Variants in STON1 observed in about 807,000 individuals in gnomAD.
STON1 encodes the protein stonin-1.
In STON1, 79 loss-of-function variants were observed where a neutral mutation model predicts 60.9. The ratio of observed to expected loss-of-function variants is 1.30; its 90% CI spans 1.08 to 1.56. The LOEUF (loss-of-function observed/expected upper bound fraction) is 1.56. Ranked by LOEUF, STON1 falls within the 40% of genes most tolerant of loss-of-function variation. The pLI, the probability that STON1 is intolerant of heterozygous loss-of-function variation, is 0.00. For missense variants in STON1, 1,166 were observed against 858.9 expected, an observed-to-expected ratio of 1.36 and a Z score of -4.47; for synonymous variants, 363 against 306.9, an observed-to-expected ratio of 1.18 and a Z score of -1.91.
At position 48,580,738 on chromosome 2, in the gene STON1, T is replaced by C. The variant is rs976966006; in HGVS notation, c.105T>C (p.Cys35=). 3.3e-6 allele frequency: 5 copies of C among 1,538,396 alleles called. No homozygotes were observed. Among genetic ancestry groups the C allele is most frequent in the Non-Finnish European group, 4.4e-6 (5 of 1,143,340 alleles). ...KNFPLENQGV[C]RPNGLKLNLP... Reference sequence around the variant, plus strand: ...TTCCTCTGGAGAATCAAGGTGTCTGTAGACCAAATGGACTGAAGCTGAACC... The same window carrying C: ...TTCCTCTGGAGAATCAAGGTGTCTGCAGACCAAATGGACTGAAGCTGAACC... The change falls in exon 2 of 4, where the codon TGT becomes TGC. Residue 35 remains cysteine, a synonymous_variant. Coordinates refer to ENST00000404752, the MANE Select transcript of STON1 (RefSeq NM_006873.4).
intron 1 of STON1, among the ~76,000 whole-genome samples, chr2:48,541,477 A>G (rs1671648514): frequency 6.6e-6 from 1 of 150,634 alleles, no homozygotes; most frequent in African/African-American, 2.4e-5. Flanking sequence ...TGACATCAAG[A>G]GTTCAAAACC....
At chr2:48,564,507 C>A (rs1672808023) in intron 1 of STON1, among the ~76,000 whole-genome samples, 1 of 28,684 alleles carries the variant, frequency 3.5e-5, no homozygotes, top group African/African-American at 1.6e-4. Context: ...TCTTCTTCTT[C>A]TTCTTCTTCT....
At chr2:48,591,555 A>T in intron 2 of STON1, 98 bp from the exon 3 acceptor site, 4 of 1,494,892 alleles carry the variant, frequency 2.7e-6, no homozygotes, top group Non-Finnish European at 3.6e-6. Context: ...TGCTAATGAA[A>T]TTCCTTATTA....
At chr2:48,553,016 G>A (rs1672165808) in intron 1 of STON1, among the ~76,000 whole-genome samples, 3 of 152,088 alleles carry the variant, frequency 2.0e-5, no homozygotes, top group Admixed American at 2.0e-4. Context: ...TGCTCCATGT[G>A]GCTTCTCTAT....
intron 1 of STON1, among the ~76,000 whole-genome samples, chr2:48,566,143 T>C (rs1672931430): frequency 1.3e-5 from 2 of 152,198 alleles, no homozygotes; most frequent in Non-Finnish European, 2.9e-5. Context: ...TGAACCAAAC[T>C]CAATTTCCAT....
At chr2:48,593,602 G>A (rs1290316115) in intron 3 of STON1, among the ~76,000 whole-genome samples, 1 of 152,110 alleles carries the variant, frequency 6.6e-6, no homozygotes, top group East Asian at 1.9e-4. Context: ...GCCCTCAGGA[G>A]GTCCTGAGAA....
At chr2:48,534,409 C>T (rs888184184) in intron 1 of STON1, among the ~76,000 whole-genome samples, 9 of 152,126 alleles carry the variant, frequency 5.9e-5, no homozygotes, top group African/African-American at 1.7e-4. Flanking sequence ...GAATTCAGGT[C>T]GGTGGCTAAA....
chr2:48,591,564 T>A, intron 2 of STON1, 89 bp from the exon 3 acceptor site: 1 of 1,516,684 alleles, frequency 6.6e-7, no homozygotes, highest in Non-Finnish European at 8.9e-7. Flanking sequence ...AATTCCTTAT[T>A]AAGGAGAGAG....
At chr2:48,586,055 T>C (rs1322182847) in intron 2 of STON1, among the ~76,000 whole-genome samples, 1 of 152,250 alleles carries the variant, frequency 6.6e-6, no homozygotes. Flanking sequence ...CGGGAGGCCC[T>C]GAAGGAAATA....
intron 1 of STON1, among the ~76,000 whole-genome samples, chr2:48,563,968 G>A (rs1672719614): frequency 6.7e-6 from 1 of 148,430 alleles, no homozygotes; most frequent in Non-Finnish European, 1.5e-5. Flanking sequence ...CAAAGTGCTG[G>A]GATTACAGGT....
intron 1 of STON1, among the ~76,000 whole-genome samples, chr2:48,564,599 C>CTTCTTCTTCTTCTTCTTCTTCTTTCTTTT (rs1479591843): frequency 2.3e-5 from 1 of 43,868 alleles, no homozygotes; most frequent in Non-Finnish European, 5.1e-5. Flanking sequence ...TCCTCCTCCT[C>CTTCTTCTTCTTCTTCTTCTTCTTTCTTTT]CTCCTTCTCC....
intron 1 of STON1, among the ~76,000 whole-genome samples, chr2:48,570,199 G>T (rs1292897581): frequency 6.6e-6 from 1 of 152,154 alleles, no homozygotes; most frequent in African/African-American, 2.4e-5. Context: ...GCAGGGCATG[G>T]TGATGCACAT....
At chr2:48,592,309 C>G (rs1558652377) in intron 3 of STON1, among the ~76,000 whole-genome samples, 1 of 152,070 alleles carries the variant, frequency 6.6e-6, no homozygotes, top group Non-Finnish European at 1.5e-5. Context: ...TTTTTCCCAA[C>G]TCATTGGCTA....
Position 48,597,451 on chromosome 2 carries a change from A to G in STON1, c.*2149A>G, listed in dbSNP as rs955480192. 2 of 152,294 alleles carry G rather than the reference A, an allele frequency of 1.3e-5. No homozygotes were observed. Among genetic ancestry groups the G allele is most frequent in the Non-Finnish European group, 2.9e-5 (2 of 68,032 alleles). The allele number at this position is 152,294 out of a possible 1,614,324, so 9.4% of individuals were successfully genotyped here. On this transcript the variant is annotated 3_prime_UTR_variant, in exon 4 of 4. Coordinates refer to ENST00000404752, the MANE Select transcript of STON1 (RefSeq NM_006873.4). ...CTGCCCACAAAGAACTCACAGTCTG[A>G]TTAGGATGAACTTAATGACTATTTA... is the stretch of plus-strand genomic sequence containing the variant.
intron 1 of STON1, among the ~76,000 whole-genome samples, chr2:48,537,099 A>ATCTTTT (rs1176565909): frequency 1.3e-5 from 2 of 152,214 alleles, no homozygotes; most frequent in African/African-American, 4.8e-5. Flanking sequence ...TGACTCCTAC[A>ATCTTTT]TCTTTTTCTT....
chr2:48,576,949 G>C (rs1673544822), intron 1 of STON1, among the ~76,000 whole-genome samples: 1 of 151,936 alleles, frequency 6.6e-6, no homozygotes, highest in African/African-American at 2.4e-5. Context: ...AGCTACTTGG[G>C]AGGCTGAGGT....
At chr2:48,530,352 C>G in intron 1 of STON1, 136 bp downstream of exon 1, 1 of 267,586 alleles carries the variant, frequency 3.7e-6, no homozygotes, top group Non-Finnish European at 7.2e-6. Context: ...CGGCGCCTCC[C>G]CATCTCCCCG....
At chr2:48,571,223 C>A (rs977976711) in intron 1 of STON1, among the ~76,000 whole-genome samples, 1 of 152,058 alleles carries the variant, frequency 6.6e-6, no homozygotes, top group Admixed American at 6.6e-5. Context: ...GAAAGTAGAC[C>A]TTTGAAAAGT....
intron 3 of STON1, among the ~76,000 whole-genome samples, chr2:48,594,652 C>T (rs999622929): frequency 2.0e-5 from 3 of 152,038 alleles, no homozygotes; most frequent in Non-Finnish European, 4.4e-5. Flanking sequence ...GACTGGAGGG[C>T]TTTATCAGGG....
Sources: allele counts gnomAD v4.1 joint callset (sites outside exome capture counted in the v4.1 genomes callset), GRCh38; gene constraint gnomAD v4.1.1; transcripts MANE v1.5; gene names NCBI Gene and HGNC (gene_info 2026-07-23, HGNC 2026-07-21).